Variants in NCOR1 observed in about 807,000 individuals in gnomAD.
NCOR1 encodes the protein nuclear receptor corepressor 1.
NCOR1 carries 63 observed loss-of-function variants against 288.1 expected under a neutral mutation model. The ratio of observed to expected loss-of-function variants is 0.22; its 90% CI spans 0.18 to 0.27. The LOEUF is 0.27. NCOR1 is among the 10% of genes least tolerant of loss of function. The pLI, the probability that NCOR1 is intolerant of heterozygous loss-of-function variation, is 1.00. For synonymous variants in NCOR1, 1,007 were observed against 1,065.9 expected (o/e 0.94, Z 1.08); for missense variants, 2,397 against 3,019.2 (o/e 0.79, Z 4.83).
At chr17:16,206,337 C>CAAAA (rs200765899) in intron 1 of NCOR1, among the ~76,000 whole-genome samples, 1 of 117,834 alleles carries the variant, frequency 8.5e-6, no homozygotes. Flanking sequence ...TTTTTCTGGC[C>CAAAA]AAAAAAAAAA....
rs2060580921 is a variant in NCOR1, at chr17:16,061,903, A to G, written c.5388-9T>C. 1 of 1,596,328 alleles carries G rather than the reference A, an allele frequency of 6.3e-7. No homozygotes were observed. Among genetic ancestry groups the G allele is most frequent in the Non-Finnish European group, 8.5e-7 (1 of 1,171,326 alleles). On this transcript the variant is annotated splice_polypyrimidine_tract_variant and intron_variant, in intron 36 of 45. Transcript: ENST00000268712. ...CCCCAGCAGGCAGTGGCCTGTAAAT[A>G]AAACCAAATCACAGCTCTGTGAAGG... is the stretch of plus-strand genomic sequence containing the variant.
chr17:16,181,211 A>ATGTATGTATGTG (rs758395387), intron 3 of NCOR1, among the ~76,000 whole-genome samples: 74 of 139,578 alleles, frequency 5.3e-4, no homozygotes, highest in South Asian at 1.2e-3. Context: ...ATATATATGT[A>ATGTATGTATGTG]TGTGTGTGTG....
Position 16,029,348 on chromosome 17 carries a change from G to A in NCOR1, c.*2948C>T. On this transcript the variant is annotated 3_prime_UTR_variant, in exon 46 of 46. Transcript: ENST00000268712. ...GGAGGACTGATCTCCTTTACTGATT[G>A]GTCTAAATTCAAAAGTGAATTGGTT... The A allele has an allele frequency of 2.5e-6, 1 of 395,096 alleles. No homozygotes were observed. Among genetic ancestry groups the A allele is most frequent in the South Asian group, 1.9e-5 (1 of 52,824 alleles). The allele number at this position is 395,096 out of a possible 1,614,324, so 24.5% of individuals were successfully genotyped here.
chr17:16,103,544 C>T (rs748293081), intron 19 of NCOR1, among the ~76,000 whole-genome samples: 15 of 152,252 alleles, frequency 9.9e-5, no homozygotes, highest in Non-Finnish European at 2.2e-4. Flanking sequence ...GGGCCCCCTC[C>T]AGCCTCTCCA....
At chr17:16,109,974 C>T (rs1333086752) in intron 18 of NCOR1, among the ~76,000 whole-genome samples, 1 of 152,186 alleles carries the variant, frequency 6.6e-6, no homozygotes, top group Non-Finnish European at 1.5e-5. Flanking sequence ...CCTCGTGATC[C>T]ACCCGCTTTG....
At chr17:16,158,100 AG>A (rs1434994639) in intron 6 of NCOR1, among the ~76,000 whole-genome samples, 2 of 151,976 alleles carry the variant, frequency 1.3e-5, no homozygotes, top group Non-Finnish European at 2.9e-5. Flanking sequence ...CAGCCTCTCG[AG>A]TAGCTGGGAC....
intron 20 of NCOR1, 107 bp downstream of exon 20, chr17:16,101,143 A>T: frequency 8.9e-7 from 1 of 1,124,014 alleles, no homozygotes; most frequent in Non-Finnish European, 1.3e-6. Flanking sequence ...ACTACCTATA[A>T]CGTGCCAATA....
chr17:16,061,363 C>G (rs779506506), intron 37 of NCOR1, 38 bp downstream of exon 37: 1 of 1,589,662 alleles, frequency 6.3e-7, no homozygotes, highest in East Asian at 2.2e-5. Context: ...ATTCTTTACT[C>G]AGACATCACA....
chr17:16,137,208 A>G, intron 14 of NCOR1, 103 bp downstream of exon 14: 1 of 591,990 alleles, frequency 1.7e-6, no homozygotes, highest in Non-Finnish European at 2.9e-6. Context: ...AGAAACATCA[A>G]TGTTTAAACT....
chr17:16,173,362 T>C (rs2083469906), intron 3 of NCOR1, among the ~76,000 whole-genome samples: 1 of 152,186 alleles, frequency 6.6e-6, no homozygotes, highest in Non-Finnish European at 1.5e-5. Flanking sequence ...CAAAGATGAC[T>C]GCATTCACCA....
intron 1 of NCOR1, among the ~76,000 whole-genome samples, chr17:16,206,315 T>C (rs1421324284): frequency 1.3e-5 from 2 of 151,566 alleles, no homozygotes; most frequent in Non-Finnish European, 2.9e-5. Flanking sequence ...CACACAATTG[T>C]TTACAGCTTT....
rs138999666 is a variant in NCOR1 at position 16,044,806 on chromosome 17, T to A, written c.6679+2145A>T. On this transcript the variant is annotated intron_variant, in intron 42 of 45. Coordinates refer to ENST00000268712, the MANE Select transcript of NCOR1 (RefSeq NM_006311.4). ...TCAACATTGGGAGCCTCATCTACAA[T>A]GTAGGGGCTGGTGGACCTGCTCCAG... The A allele has an allele frequency of 5.6e-4, 622 of 1,105,360 alleles. 3 individuals carry two copies. The African/African-American group carries it at 8.6e-3, about 15-fold the overall frequency. 68.5% of individuals were successfully genotyped at this position (1,105,360 alleles called of 1,614,324 possible).
intron 5 of NCOR1, among the ~76,000 whole-genome samples, chr17:16,160,419 G>A (rs1012870660): frequency 8.6e-5 from 13 of 152,018 alleles, no homozygotes; most frequent in Admixed American, 3.9e-4. Flanking sequence ...TACCTAAGAT[G>A]ATAAAAGAAA....
intron 9 of NCOR1, among the ~76,000 whole-genome samples, chr17:16,147,963 AT>A (rs1369619229): frequency 2.2e-4 from 33 of 152,294 alleles, no homozygotes; most frequent in African/African-American, 7.7e-4. Flanking sequence ...GTTTACAAGC[AT>A]GCGCCACCAC....
At chr17:16,063,647 C>T (rs2060789248) in intron 35 of NCOR1, among the ~76,000 whole-genome samples, 1 of 152,206 alleles carries the variant, frequency 6.6e-6, no homozygotes, top group Non-Finnish European at 1.5e-5. Flanking sequence ...CTGATCATGT[C>T]ACCTGCCTCC....
chr17:16,158,681 C>T, intron 6 of NCOR1, 79 bp downstream of exon 6: 3 of 773,734 alleles, frequency 3.9e-6, no homozygotes, highest in East Asian at 2.7e-5. Context: ...TAAAATTATA[C>T]CAGGATACAT....
intron 3 of NCOR1, among the ~76,000 whole-genome samples, chr17:16,177,929 G>A (rs375405579): frequency 1.6e-4 from 25 of 152,018 alleles, no homozygotes; most frequent in African/African-American, 5.5e-4. Context: ...CTCATGTTCC[G>A]CCAGGCACAG....
At chr17:16,140,079 A>G (rs1377241719) in intron 11 of NCOR1, among the ~76,000 whole-genome samples, 1 of 152,244 alleles carries the variant, frequency 6.6e-6, no homozygotes, top group Non-Finnish European at 1.5e-5. Flanking sequence ...TCATGGAATC[A>G]GTCAAAGAGC....
chr17:16,126,434 G>A (rs993934437), intron 14 of NCOR1, among the ~76,000 whole-genome samples: 2 of 152,030 alleles, frequency 1.3e-5, no homozygotes, highest in Non-Finnish European at 2.9e-5. Flanking sequence ...TTGGACCCAC[G>A]AGAAAGTGAA....
Sources: allele counts gnomAD v4.1 joint callset (sites outside exome capture counted in the v4.1 genomes callset), GRCh38; gene constraint gnomAD v4.1.1; transcripts MANE v1.5; gene names NCBI Gene and HGNC (gene_info 2026-07-23, HGNC 2026-07-21).